Variants in GNE observed in about 807,000 individuals in gnomAD.
GNE encodes bifunctional UDP-N-acetylglucosamine 2-epimerase/N-acetylmannosamine kinase.
GNE carries 41 observed loss-of-function variants against 61.8 expected under a neutral mutation model. The observed-to-expected ratio is 0.66, with a 90% CI of 0.52 to 0.86. GNE has a LOEUF of 0.86. Ranked by LOEUF, GNE falls within the 40% of genes least tolerant of loss-of-function variation. The pLI is 0.00. For synonymous variants in GNE, 264 were observed against 326.4 expected (o/e 0.81, Z 2.06); for missense variants, 608 against 909.1 (o/e 0.67, Z 4.26).
chr9:36,220,806 C>A (rs1321160047), intron 9 of GNE, among the ~76,000 whole-genome samples: 1 of 152,194 alleles, frequency 6.6e-6, no homozygotes. Flanking sequence ...CAGTGACTGT[C>A]TTTTGTTATG....
chr9:36,228,032 C>CAAAA (rs1385568208), intron 6 of GNE, among the ~76,000 whole-genome samples: 10 of 46,530 alleles, frequency 2.1e-4, no homozygotes, highest in South Asian at 7.8e-4. Context: ...GACTCCGTCT[C>CAAAA]AAAAAAAAAA....
intron 1 of GNE, among the ~76,000 whole-genome samples, chr9:36,272,053 C>T (rs1020797223): frequency 6.6e-6 from 1 of 152,160 alleles, no homozygotes; most frequent in Non-Finnish European, 1.5e-5. Context: ...CATCTAGGCT[C>T]ACGATCGTAG....
Position 36,227,479 on chromosome 9 carries a change from A to G in GNE, c.1071-21T>C, listed in dbSNP as rs557246003. ...TTGAACTGCAATATACAAAAAGTCAATTAAATTATATGCTTCTGCCATACA... is the reference window on the plus strand; with the variant it reads ...TTGAACTGCAATATACAAAAAGTCAGTTAAATTATATGCTTCTGCCATACA... On this transcript the variant is annotated intron_variant, in intron 6 of 11. Transcript: ENST00000642385. 2.9e-6 allele frequency: 4 copies of G among 1,386,972 alleles called. No homozygotes were observed. In the East Asian group the frequency reaches 6.8e-5, roughly 24 times the overall value. The allele number at this position is 1,386,972 out of a possible 1,614,324, so 85.9% of individuals were successfully genotyped here.
rs753279546 is a variant in GNE at position 36,236,885 on chromosome 9, G to A, written c.716C>T (p.Ala239Val). 4 of 1,612,732 alleles carry A rather than the reference G, an allele frequency of 2.5e-6. No individual in the cohort carries two copies. ...SIKMFELTLDALISFNKRTLV... is the reference protein window; with the variant it reads ...SIKMFELTLDVLISFNKRTLV... ...GGTCCGCTTGTTAAATGAGATAAGTGCATCCAATGTTAATTCAAACATTTT... is the reference window on the plus strand; with the variant it reads ...GGTCCGCTTGTTAAATGAGATAAGTACATCCAATGTTAATTCAAACATTTT... Residue 239 changes from alanine (A) to valine (V), a missense_variant, in exon 4 of 12, where the codon GCA becomes GTA. Physicochemically the swap from Ala to Val is moderately conservative, Grantham distance 64. Coordinates refer to ENST00000642385, the MANE Select transcript of GNE (RefSeq NM_005476.7).
intron 3 of GNE, 65 bp from the exon 4 acceptor site, chr9:36,237,049 A>G: frequency 7.6e-7 from 1 of 1,315,358 alleles, no homozygotes; most frequent in Non-Finnish European, 1.1e-6. Context: ...AAAGAAGCAA[A>G]TTCTGAAAGC....
chr9:36,250,545 A>C (rs1412551298), intron 1 of GNE, among the ~76,000 whole-genome samples: 1 of 152,168 alleles, frequency 6.6e-6, no homozygotes, highest in Non-Finnish European at 1.5e-5. Context: ...AAATGCTGTC[A>C]ATTCCACCCC....
chr9:36,231,091 AAG>A (rs749133221), intron 5 of GNE, among the ~76,000 whole-genome samples: 3 of 135,912 alleles, frequency 2.2e-5, no homozygotes, highest in Non-Finnish European at 3.3e-5. Context: ...AAAAGAAAGA[AAG>A]AGAGAGAGAG....
Position 36,236,909 on chromosome 9 carries a change from T to C in GNE, c.692A>G (p.Lys231Arg). The C allele has an allele frequency of 6.2e-7, 1 of 1,611,606 alleles. No individual in the cohort carries two copies. Reference sequence around the variant, plus strand: ...TGCATCCAATGTTAATTCAAACATTTTTATGGAATGCTTAATGTCAGTGGT... The same window carrying C: ...TGCATCCAATGTTAATTCAAACATTCTTATGGAATGCTTAATGTCAGTGGT... ...PVTTDIKHSI[K>R]MFELTLDALI... Residue 231 changes from lysine to arginine, a missense_variant, in exon 4 of 12, where the codon AAA (lysine) becomes AGA (arginine). Coordinates refer to ENST00000642385, the MANE Select transcript of GNE (RefSeq NM_005476.7).
chr9:36,227,325 G>T lies in GNE; in HGVS notation c.1204C>A (p.His402Asn), dbSNP rs1438694588. ...VKENISQDID[H>N]ILETLSALAV... ...AAGGCACTTAGAGTTTCAAGAATATGGTCAATATCTTGAGAGATATTCTCC... is the reference window on the plus strand; with the variant it reads ...AAGGCACTTAGAGTTTCAAGAATATTGTCAATATCTTGAGAGATATTCTCC... Residue 402 changes from histidine (H) to asparagine (N), a missense_variant, in exon 7 of 12, where the codon CAT becomes AAT. His to Asn is a moderately conservative substitution (Grantham distance 68). Transcript: ENST00000642385. 4 of 1,612,850 alleles carry T rather than the reference G, an allele frequency of 2.5e-6. No individual in the cohort carries two copies. The South Asian group carries it at 4.4e-5, about 18-fold the overall frequency.
chr9:36,223,755 C>CT lies in GNE; in HGVS notation c.1282-254dup, dbSNP rs377239651. ...CACAGGCAGCAAGATGGGCCCCTCT[C>CT]TTTTTTTTTTTTTTGAGATGGCCTC... On this transcript the variant is annotated intron_variant, in intron 7 of 11. Coordinates refer to ENST00000642385, the MANE Select transcript of GNE (RefSeq NM_005476.7). 0.021 allele frequency among the ~76,000 whole-genome samples: 2,972 copies of CT among 142,990 alleles called. 103 individuals are homozygous for CT. Among genetic ancestry groups the CT allele is most frequent in the African/African-American group, 0.067 (2,628 of 39,238 alleles). The allele number at this position is 142,990 out of a possible 152,430, so 93.8% of individuals were successfully genotyped here.
At chr9:36,232,345 C>CCCCCCA (rs1554660756) in intron 5 of GNE, among the ~76,000 whole-genome samples, 5 of 126,386 alleles carry the variant, frequency 4.0e-5, no homozygotes, top group East Asian at 2.5e-4. Context: ...CGCCCCCCCT[C>CCCCCCA]CCGACATTCC....
chr9:36,221,750 G>T (rs1828594875), intron 9 of GNE, among the ~76,000 whole-genome samples: 1 of 152,154 alleles, frequency 6.6e-6, no homozygotes, highest in South Asian at 2.1e-4. Context: ...GGAGACCAAG[G>T]CAGGAGGATC....
upstream of GNE, among the ~76,000 whole-genome samples, chr9:36,261,552 CAAAAA>C (rs566779282): frequency 1.1e-5 from 1 of 88,328 alleles, no homozygotes. Context: ...GACTCCGTCT[CAAAAA>C]AAAAAAAAAA....
intron 2 of GNE, among the ~76,000 whole-genome samples, chr9:36,248,485 T>A (rs1829992326): frequency 6.6e-6 from 1 of 151,436 alleles, no homozygotes; most frequent in Admixed American, 6.6e-5. Context: ...TGGCTAATTT[T>A]TTTTTTTTTT....
chr9:36,253,293 T>A (rs80137369), intron 1 of GNE, among the ~76,000 whole-genome samples: 65 of 148,252 alleles, frequency 4.4e-4, no homozygotes, highest in Non-Finnish European at 7.8e-4. Context: ...TTTTTTTTTT[T>A]AAAATACAGT....
chr9:36,226,067 C>T (rs1243931033), intron 7 of GNE, among the ~76,000 whole-genome samples: 3 of 152,164 alleles, frequency 2.0e-5, no homozygotes, highest in Non-Finnish European at 4.4e-5. Flanking sequence ...TCTTTCTTTT[C>T]TTCTTGATTT....
intron 1 of GNE, among the ~76,000 whole-genome samples, chr9:36,264,155 C>CAG (rs1048764279): frequency 2.0e-5 from 3 of 151,810 alleles, no homozygotes; most frequent in African/African-American, 7.2e-5. Flanking sequence ...TTTTTGGAGA[C>CAG]AGAGTCTCAC....
chr9:36,219,250 C>G (rs888628499), intron 10 of GNE, among the ~76,000 whole-genome samples: 1 of 152,094 alleles, frequency 6.6e-6, no homozygotes, highest in Non-Finnish European at 1.5e-5. Flanking sequence ...TGCTTCCTGT[C>G]CCATACACCC....
chr9:36,220,374 G>A (rs1242631672), intron 9 of GNE, among the ~76,000 whole-genome samples: 2 of 152,168 alleles, frequency 1.3e-5, no homozygotes, highest in African/African-American at 4.8e-5. Context: ...ACTGAAGCAA[G>A]AGCCTACTCA....
Sources: gnomAD v4.1 joint callset for allele counts (sites outside exome capture counted in the v4.1 genomes callset) on GRCh38, gnomAD v4.1.1 for gene constraint, MANE v1.5 for transcripts, NCBI Gene and HGNC (gene_info 2026-07-23, HGNC 2026-07-21) for gene names.